Variants in STX8 observed in about 807,000 individuals in gnomAD.
STX8 encodes syntaxin-8.
In STX8, 23 loss-of-function variants were observed where a neutral mutation model predicts 37.5. The observed-to-expected ratio is 0.61, with a 90% CI of 0.44 to 0.87. STX8 has a LOEUF of 0.87. Among genes scored for constraint, STX8 ranks in the 40% least tolerant of loss-of-function variants. The pLI, the probability that STX8 is intolerant of heterozygous loss-of-function variation, is 0.00. For missense variants in STX8, 313 were observed against 284.7 expected, an observed-to-expected ratio of 1.10 and a Z score of -0.71; for synonymous variants, 115 against 99.1, an observed-to-expected ratio of 1.16 and a Z score of -0.95.
intron 6 of STX8, among the ~76,000 whole-genome samples, chr17:9,417,075 A>G (rs1310067615): frequency 2.6e-5 from 4 of 152,092 alleles, no homozygotes; most frequent in Non-Finnish European, 5.9e-5. Context: ...TCTCCAGCCA[A>G]TCAGCAGCAC....
At chr17:9,287,361 C>A (rs1908116462) in intron 7 of STX8, among the ~76,000 whole-genome samples, 1 of 152,186 alleles carries the variant, frequency 6.6e-6, no homozygotes, top group Non-Finnish European at 1.5e-5. Flanking sequence ...CAAACTACCT[C>A]TCCCCTATCT....
intron 4 of STX8, among the ~76,000 whole-genome samples, chr17:9,505,807 C>T (rs916883842): frequency 1.3e-5 from 2 of 151,670 alleles, no homozygotes; most frequent in East Asian, 1.9e-4. Context: ...CCGGGCTTGG[C>T]GGCAGACATC....
chr17:9,526,044 G>A (rs546118442), intron 4 of STX8, among the ~76,000 whole-genome samples: 1 of 152,310 alleles, frequency 6.6e-6, no homozygotes, highest in East Asian at 1.9e-4. Flanking sequence ...ACACCTGGTG[G>A]AATACTGTCC....
intron 2 of STX8, among the ~76,000 whole-genome samples, chr17:9,566,468 G>A (rs190716999): frequency 6.6e-6 from 1 of 152,276 alleles, no homozygotes; most frequent in African/African-American, 2.4e-5. Flanking sequence ...ATCCCCGAAG[G>A]AATAGAAATC....
chr17:9,468,038 T>TACACATTTTAATGTA (rs1169332912), intron 6 of STX8, among the ~76,000 whole-genome samples: 3 of 152,198 alleles, frequency 2.0e-5, no homozygotes, highest in African/African-American at 7.2e-5. Context: ...GACACAATAT[T>TACACATTTTAATGTA]ACACATTTTA....
intron 6 of STX8, among the ~76,000 whole-genome samples, chr17:9,398,794 C>A (rs181406429): frequency 2.6e-5 from 4 of 152,154 alleles, no homozygotes; most frequent in Non-Finnish European, 4.4e-5. Context: ...ACTTAAGGAA[C>A]CTCCAGTAAT....
intron 7 of STX8, among the ~76,000 whole-genome samples, chr17:9,359,319 C>T (rs373308685): frequency 1.1e-4 from 17 of 152,018 alleles, no homozygotes; most frequent in African/African-American, 2.9e-4. Context: ...GGCGTTAATA[C>T]GCAGGAAAAG....
At chr17:9,372,543 T>A (rs1309130659) in intron 7 of STX8, among the ~76,000 whole-genome samples, 2 of 152,034 alleles carry the variant, frequency 1.3e-5, no homozygotes, top group African/African-American at 4.8e-5. Context: ...AGTGGCATGA[T>A]CTCGGCTAAC....
intron 7 of STX8, among the ~76,000 whole-genome samples, chr17:9,357,701 AT>A (rs1910934428): frequency 1.3e-5 from 2 of 152,172 alleles, no homozygotes; most frequent in Admixed American, 1.3e-4. Context: ...TCTCAAAAAA[AT>A]AAAATAAAAT....
chr17:9,282,449 A>G (rs1907920584), intron 7 of STX8, among the ~76,000 whole-genome samples: 1 of 152,180 alleles, frequency 6.6e-6, no homozygotes, highest in African/African-American at 2.4e-5. Context: ...ACATTTTCTT[A>G]CTATAATCCC....
intron 7 of STX8, among the ~76,000 whole-genome samples, chr17:9,348,026 G>A (rs1049783369): frequency 3.3e-5 from 5 of 152,088 alleles, no homozygotes; most frequent in Non-Finnish European, 7.3e-5. Flanking sequence ...GAAGGCTTTT[G>A]TGAAATAAAT....
chr17:9,422,948 C>A (rs533880975), intron 6 of STX8, among the ~76,000 whole-genome samples: 1 of 152,188 alleles, frequency 6.6e-6, no homozygotes, highest in Non-Finnish European at 1.5e-5. Context: ...ACACATACTA[C>A]GTAATACCAT....
rs115273974 is a variant in STX8 at position 9,274,377 on chromosome 17, T to C, written c.644-23732A>G. On this transcript the variant is annotated intron_variant, in intron 7 of 7. Transcript: ENST00000306357. ...GATATAGACATTTGTTTAAACAAAG[T>C]CTTCAGGCCGGGCGCGGTGGCTCCC... 5.2e-3 allele frequency among the ~76,000 whole-genome samples: 791 copies of C among 152,138 alleles called. 5 individuals are homozygous for C. Among genetic ancestry groups the C allele is most frequent in the African/African-American group, 0.017 (716 of 41,520 alleles).
Position 9,259,875 on chromosome 17 carries a change from C to T in STX8, c.644-9230G>A, listed in dbSNP as rs182269301. Among the ~76,000 whole-genome samples, 20 of 152,180 alleles carry T rather than the reference C, an allele frequency of 1.3e-4. No individual in the cohort carries two copies. The East Asian group carries it at 1.5e-3, about 12-fold the overall frequency. On this transcript the variant is annotated intron_variant, in intron 7 of 7. Coordinates refer to ENST00000306357, the MANE Select transcript of STX8 (RefSeq NM_004853.3). ...CCAGGGGCCCCTAGGGGAGCCTGTG[C>T]GTCTGGCCATGCTGCATAAATAACA... is the stretch of plus-strand genomic sequence containing the variant.
chr17:9,294,582 A>G (rs970229716), intron 7 of STX8, among the ~76,000 whole-genome samples: 1 of 152,180 alleles, frequency 6.6e-6, no homozygotes, highest in Non-Finnish European at 1.5e-5. Flanking sequence ...ACTTCCAGGG[A>G]TGGGAAGAAT....
intron 7 of STX8, among the ~76,000 whole-genome samples, chr17:9,357,746 A>G (rs1373752823): frequency 6.6e-6 from 1 of 152,188 alleles, no homozygotes; most frequent in Admixed American, 6.5e-5. Context: ...TAAATACTCC[A>G]GAAGTCTTAA....
intron 6 of STX8, among the ~76,000 whole-genome samples, chr17:9,488,899 CAG>C (rs1906729715): frequency 6.6e-6 from 1 of 150,700 alleles, no homozygotes; most frequent in Non-Finnish European, 1.5e-5. Context: ...TGTTTTGAGA[CAG>C]AGTCTCGCTC....
chr17:9,511,680 G>A (rs62066198), intron 4 of STX8, among the ~76,000 whole-genome samples: 1 of 152,070 alleles, frequency 6.6e-6, no homozygotes, highest in Non-Finnish European at 1.5e-5. Context: ...AGAACTAGAA[G>A]ACAAGGATGC....
intron 6 of STX8, among the ~76,000 whole-genome samples, chr17:9,389,562 T>C (rs930620020): frequency 2.0e-5 from 3 of 152,184 alleles, no homozygotes; most frequent in Admixed American, 6.5e-5. Context: ...GATGTCAAAA[T>C]ACCCGACTCC....
Sources: allele counts gnomAD v4.1 joint callset (sites outside exome capture counted in the v4.1 genomes callset), GRCh38; gene constraint gnomAD v4.1.1; transcripts MANE v1.5; gene names NCBI Gene and HGNC (gene_info 2026-07-23, HGNC 2026-07-21).